ROR2: variants seen among roughly 807,000 people sequenced by gnomAD.
ROR2 encodes tyrosine-protein kinase transmembrane receptor ROR2.
In ROR2, 33 loss-of-function variants were observed where a neutral mutation model predicts 74.9. The observed-to-expected ratio is 0.44, with a 90% CI of 0.33 to 0.59. The LOEUF (loss-of-function observed/expected upper bound fraction) is 0.59. Ranked by LOEUF, ROR2 falls within the 20% of genes least tolerant of loss-of-function variation. The pLI is 0.02. For synonymous variants in ROR2, 586 were observed against 558.7 expected, an observed-to-expected ratio of 1.05 and a Z score of -0.69; for missense variants, 1,216 against 1,313.8, an observed-to-expected ratio of 0.93 and a Z score of 1.15.
chr9:91,771,149 T>G (rs940609658), intron 2 of ROR2, among the ~76,000 whole-genome samples: 1 of 152,224 alleles, frequency 6.6e-6, no homozygotes, highest in Non-Finnish European at 1.5e-5. Context: ...CAACCTCATA[T>G]GGGCAAAGTC....
chr9:91,820,842 C>G (rs1828119372), intron 1 of ROR2, among the ~76,000 whole-genome samples: 1 of 152,192 alleles, frequency 6.6e-6, no homozygotes, highest in Non-Finnish European at 1.5e-5. Flanking sequence ...GGCTCACTCA[C>G]TGTAATCCCA....
intron 1 of ROR2, among the ~76,000 whole-genome samples, chr9:91,937,850 A>G (rs2118021588): frequency 6.6e-6 from 1 of 152,206 alleles, no homozygotes; most frequent in Non-Finnish European, 1.5e-5. Context: ...AGTAGTTGGG[A>G]CTACAGGCAT....
intron 1 of ROR2, among the ~76,000 whole-genome samples, chr9:91,820,931 G>A (rs1210859021): frequency 2.0e-5 from 3 of 151,954 alleles, no homozygotes; most frequent in South Asian, 2.1e-4. Context: ...GTGAAACCCC[G>A]TCTCTACTAA....
chr9:91,742,468 A>C (rs1825285741), intron 4 of ROR2, among the ~76,000 whole-genome samples: 3 of 152,208 alleles, frequency 2.0e-5, no homozygotes, highest in Admixed American at 2.0e-4. Flanking sequence ...GGGGTATTTC[A>C]GGAGGGATGG....
intron 1 of ROR2, among the ~76,000 whole-genome samples, chr9:91,839,251 G>GGTGTGTGTGT (rs56134220): frequency 1.4e-4 from 15 of 107,712 alleles, no homozygotes; most frequent in South Asian, 6.2e-4. Flanking sequence ...TCAGATCGGG[G>GGTGTGTGTGT]GTGTGTGTGT....
At chr9:91,933,094 T>C (rs928353239) in intron 1 of ROR2, among the ~76,000 whole-genome samples, 2 of 152,084 alleles carry the variant, frequency 1.3e-5, no homozygotes, top group African/African-American at 4.8e-5. Flanking sequence ...AGGCGGATCA[T>C]GAGGTCAGAA....
intron 1 of ROR2, among the ~76,000 whole-genome samples, chr9:91,876,977 T>C (rs1402510234): frequency 6.6e-6 from 1 of 152,020 alleles, no homozygotes; most frequent in East Asian, 1.9e-4. Context: ...CATGCACATT[T>C]AACACATCAT....
In ROR2 at chr9:91,756,225, G is replaced by A. The variant is rs1017985976; in HGVS notation, c.464-124C>T. On this transcript the variant is annotated intron_variant, in intron 3 of 8. Coordinates refer to ENST00000375708, the MANE Select transcript of ROR2 (RefSeq NM_004560.4). ...GGCTCACTGGTGGGCAGCTGTCCTC[G>A]GGCCTCAGGCTCCACTCGTGATTAC... 3.0e-5 allele frequency: 26 copies of A among 879,182 alleles called. No homozygotes were observed. The Admixed American group carries it at 3.7e-4, about 12-fold the overall frequency. The allele number at this position is 879,182 out of a possible 1,614,324, so 54.5% of individuals were successfully genotyped here. A position where few individuals can be genotyped will look rare whatever the true frequency, so the allele number is the denominator to read the frequency against.
chr9:91,815,329 C>T (rs1009712950), intron 1 of ROR2, among the ~76,000 whole-genome samples: 3 of 152,152 alleles, frequency 2.0e-5, no homozygotes, highest in Non-Finnish European at 4.4e-5. Flanking sequence ...TCAGTTATTA[C>T]AGAGCGGTAT....
chr9:91,808,800 TAC>T (rs200783434), intron 1 of ROR2, among the ~76,000 whole-genome samples: 38 of 147,834 alleles, frequency 2.6e-4, no homozygotes, highest in Non-Finnish European at 3.6e-4. Flanking sequence ...ATAAAAAATA[TAC>T]ATATTTTTTT....
chr9:91,912,447 G>A (rs1203470449), intron 1 of ROR2, among the ~76,000 whole-genome samples: 2 of 152,082 alleles, frequency 1.3e-5, no homozygotes, highest in African/African-American at 4.8e-5. Context: ...CTTGATCATC[G>A]CACATTGTGT....
At chr9:91,902,431 A>G (rs1830698239) in intron 1 of ROR2, among the ~76,000 whole-genome samples, 1 of 151,992 alleles carries the variant, frequency 6.6e-6, no homozygotes, top group Non-Finnish European at 1.5e-5. Context: ...TCTCACAGCC[A>G]GGGCCTTCCC....
intron 5 of ROR2, among the ~76,000 whole-genome samples, chr9:91,736,452 G>A (rs1825028482): frequency 2.0e-5 from 3 of 152,298 alleles, no homozygotes; most frequent in Admixed American, 6.5e-5. Context: ...TCCCAGGAGC[G>A]CAGGCATCAG....
intron 1 of ROR2, among the ~76,000 whole-genome samples, chr9:91,872,703 G>C (rs917951064): frequency 6.6e-6 from 1 of 152,202 alleles, no homozygotes; most frequent in Non-Finnish European, 1.5e-5. Flanking sequence ...GGCTGGGCTG[G>C]AAATACAGAA....
At chr9:91,798,442 C>A (rs1481964600) in intron 1 of ROR2, among the ~76,000 whole-genome samples, 1 of 110,326 alleles carries the variant, frequency 9.1e-6, no homozygotes, top group Non-Finnish European at 1.8e-5. Flanking sequence ...ACCCTGGGCT[C>A]TGTGGGCGGG....
chr9:91,917,713 T>C (rs545306276), intron 1 of ROR2, among the ~76,000 whole-genome samples: 8 of 149,128 alleles, frequency 5.4e-5, no homozygotes, highest in Non-Finnish European at 1.2e-4. Context: ...GGGAGAGAGA[T>C]GCGTGGGTGC....
At chr9:91,884,193 C>T (rs1830206442) in intron 1 of ROR2, among the ~76,000 whole-genome samples, 1 of 152,176 alleles carries the variant, frequency 6.6e-6, no homozygotes, top group Non-Finnish European at 1.5e-5. Context: ...TTTGACCTGT[C>T]CCTCATTCAA....
chr9:91,819,531 GTGTC>G (rs1482835351), intron 1 of ROR2, among the ~76,000 whole-genome samples: 3 of 151,890 alleles, frequency 2.0e-5, no homozygotes, highest in Non-Finnish European at 2.9e-5. Flanking sequence ...CTGTCTTTGT[GTGTC>G]TGTCTTTGAG....
At chr9:91,914,075 T>A (rs998601830) in intron 1 of ROR2, among the ~76,000 whole-genome samples, 1 of 151,194 alleles carries the variant, frequency 6.6e-6, no homozygotes, top group Non-Finnish European at 1.5e-5. Context: ...AATCTCATGC[T>A]GTTATTCCCC....
Sources: allele counts gnomAD v4.1 joint callset (sites outside exome capture counted in the v4.1 genomes callset), GRCh38; gene constraint gnomAD v4.1.1; transcripts MANE v1.5; gene names NCBI Gene and HGNC (gene_info 2026-07-23, HGNC 2026-07-21).